The following LEKR1 variants were observed in gnomAD, a reference collection of about 807,000 sequenced individuals.
LEKR1 encodes protein LEKR1.
Under a neutral mutation model 72.4 loss-of-function variants are expected in LEKR1, and 59 were observed. The ratio of observed to expected loss-of-function variants is 0.82; its 90% confidence interval spans 0.66 to 1.01. The LOEUF is 1.01. LEKR1 is among the 50% of genes least tolerant of loss of function. LEKR1 has a pLI of 0.00. For missense variants in LEKR1, 728 were observed against 759.2 expected (o/e 0.96, Z 0.48); for synonymous variants, 257 against 263.2 (o/e 0.98, Z 0.23).
intron 3 of LEKR1, among the ~76,000 whole-genome samples, chr3:156,865,430 G>A (rs1576689931): frequency 6.6e-6 from 1 of 152,014 alleles, no homozygotes; most frequent in East Asian, 1.9e-4. Context: ...ACATATGAAT[G>A]GCTTATATAA....
At chr3:157,040,523 T>A (rs2108047106) in intron 12 of LEKR1, among the ~76,000 whole-genome samples, 1 of 152,352 alleles carries the variant, frequency 6.6e-6, no homozygotes, top group Admixed American at 6.5e-5. Context: ...TTGGCAGTGT[T>A]TTGGACTGAT....
intron 1 of LEKR1, among the ~76,000 whole-genome samples, chr3:156,828,999 CAATT>C (rs570103817): frequency 1.3e-3 from 193 of 152,218 alleles, no homozygotes; most frequent in African/African-American, 4.3e-3. Flanking sequence ...ATTTGAAAAA[CAATT>C]AGTAGTAAAT....
intron 3 of LEKR1, among the ~76,000 whole-genome samples, chr3:156,880,499 C>A (rs1354318196): frequency 6.6e-6 from 1 of 152,158 alleles, no homozygotes; most frequent in African/African-American, 2.4e-5. Context: ...GAAATTGTGG[C>A]AATAATCAAT....
At chr3:156,897,822 A>T (rs1054037847) in intron 3 of LEKR1, among the ~76,000 whole-genome samples, 2 of 152,092 alleles carry the variant, frequency 1.3e-5, no homozygotes, top group African/African-American at 2.4e-5. Context: ...GCATGGTGGC[A>T]GGTGCCTGTA....
At chr3:156,954,912 T>C (rs937967869) in intron 6 of LEKR1, among the ~76,000 whole-genome samples, 9 of 152,082 alleles carry the variant, frequency 5.9e-5, no homozygotes, top group African/African-American at 2.2e-4. Context: ...GGTAGTTTAA[T>C]GGGAATAGCA....
chr3:156,957,937 T>A (rs1384610592), intron 6 of LEKR1, among the ~76,000 whole-genome samples: 2 of 152,040 alleles, frequency 1.3e-5, no homozygotes, highest in Non-Finnish European at 2.9e-5. Context: ...TAAATTAGGG[T>A]TTCATTTTTG....
chr3:156,917,925 G>A (rs752564352), intron 3 of LEKR1, among the ~76,000 whole-genome samples: 3 of 152,068 alleles, frequency 2.0e-5, no homozygotes, highest in Non-Finnish European at 2.9e-5. Flanking sequence ...GCTCCAGGAA[G>A]GCTACCTCCT....
intron 12 of LEKR1, among the ~76,000 whole-genome samples, chr3:157,032,435 A>G (rs1340851930): frequency 6.6e-6 from 1 of 152,224 alleles, no homozygotes; most frequent in African/African-American, 2.4e-5. Flanking sequence ...ATAGAAAATA[A>G]TGCTCTTGGT....
chr3:156,831,133 CTGAT>C (rs1712337443), intron 2 of LEKR1, among the ~76,000 whole-genome samples: 1 of 152,002 alleles, frequency 6.6e-6, no homozygotes, highest in Non-Finnish European at 1.5e-5. Context: ...ATGGGAGCTG[CTGAT>C]TGATTGGGGA....
chr3:156,967,495 C>T (rs777333619), intron 6 of LEKR1, among the ~76,000 whole-genome samples: 8 of 151,996 alleles, frequency 5.3e-5, no homozygotes, highest in Non-Finnish European at 8.8e-5. Flanking sequence ...CCTCATTAGC[C>T]GATTTGATCA....
chr3:157,017,535 G>T (rs1266138376), intron 10 of LEKR1: 1 of 151,998 alleles, frequency 6.6e-6, no homozygotes, highest in African/African-American at 2.4e-5. Context: ...TTCTGTAAAG[G>T]GTATACGAGT....
chr3:157,026,707 C>T lies in LEKR1; in HGVS notation c.1369-1396C>T, dbSNP rs75204260. Among the ~76,000 whole-genome samples, 86 of 152,268 alleles carry T rather than the reference C, an allele frequency of 5.6e-4. No individual in the cohort carries two copies. The East Asian group carries it at 0.016, about 29-fold the overall frequency. ...GTAACAGTTCACAAAGTCCTTGGAA[C>T]CTTGGTCTGTGAATGTTTTCCAGAT... On this transcript the variant is annotated intron_variant, in intron 11 of 12. Coordinates refer to ENST00000356539, the MANE Select transcript of LEKR1 (RefSeq NM_001004316.3).
chr3:157,010,739 C>A (rs1732823057), intron 9 of LEKR1, among the ~76,000 whole-genome samples: 1 of 152,062 alleles, frequency 6.6e-6, no homozygotes, highest in Admixed American at 6.6e-5. Flanking sequence ...CTGTGAAATT[C>A]TCTCTTTAAT....
At chr3:156,995,854 TA>T (rs112402210) in intron 9 of LEKR1, among the ~76,000 whole-genome samples, 6 of 152,256 alleles carry the variant, frequency 3.9e-5, no homozygotes, top group South Asian at 2.1e-4. Context: ...ATAAATTTTT[TA>T]AAAATGTCCT....
chr3:157,042,806 C>T (rs765022666), intron 12 of LEKR1, among the ~76,000 whole-genome samples: 7 of 152,106 alleles, frequency 4.6e-5, no homozygotes, highest in Non-Finnish European at 1.0e-4. Flanking sequence ...ATTTCTTTTA[C>T]ATATTCAAAT....
chr3:156,972,024 A>G (rs1373293841), intron 6 of LEKR1, among the ~76,000 whole-genome samples: 1 of 152,220 alleles, frequency 6.6e-6, no homozygotes, highest in African/African-American at 2.4e-5. Context: ...TCATGCTGCT[A>G]TAAAGATACA....
intron 2 of LEKR1, among the ~76,000 whole-genome samples, chr3:156,832,092 G>A (rs1401467929): frequency 3.9e-5 from 6 of 152,140 alleles, no homozygotes; most frequent in Non-Finnish European, 8.8e-5. Flanking sequence ...TGTAATTGTT[G>A]GTATGTATTC....
chr3:156,849,706 T>G (rs1467636903), intron 2 of LEKR1, among the ~76,000 whole-genome samples: 3 of 152,234 alleles, frequency 2.0e-5, no homozygotes, highest in South Asian at 2.1e-4. Context: ...GCCAGCCATA[T>G]GTAGAAAGCT....
rs1724111258 is a variant in LEKR1, at chr3:156,920,706, G to T, written c.383+12G>T. ...TCATACATCTTCAGGTAAGATTAAAGAACTGAAAATTATAAAGATTGAAAA... is the reference window on the plus strand; with the variant it reads ...TCATACATCTTCAGGTAAGATTAAATAACTGAAAATTATAAAGATTGAAAA... On this transcript the variant is annotated intron_variant, in intron 4 of 12. Coordinates refer to ENST00000356539, the MANE Select transcript of LEKR1 (RefSeq NM_001004316.3). 5.3e-6 allele frequency: 7 copies of T among 1,314,578 alleles called. No homozygotes were observed. The Admixed American group carries it at 1.4e-4, about 26-fold the overall frequency. The allele number at this position is 1,314,578 out of a possible 1,614,324, so 81.4% of individuals were successfully genotyped here. A position where few individuals can be genotyped will look rare whatever the true frequency, so the allele number is the denominator to read the frequency against.
Sources: allele counts gnomAD v4.1 joint callset (sites outside exome capture counted in the v4.1 genomes callset), GRCh38; gene constraint gnomAD v4.1.1; transcripts MANE v1.5; gene names NCBI Gene and HGNC (gene_info 2026-07-23, HGNC 2026-07-21).